Variants in ELMO1 observed in about 807,000 individuals in gnomAD.
ELMO1 encodes the protein engulfment and cell motility 1, also known as engulfment and cell motility protein 1.
ELMO1 carries 26 observed loss-of-function variants against 98.9 expected under a neutral mutation model. That is an observed-to-expected ratio of 0.26 (90% CI 0.19 to 0.36). The LOEUF (loss-of-function observed/expected upper bound fraction) is 0.36, where lower values mean the gene tolerates loss of function less well. Among genes scored for constraint, ELMO1 ranks in the 10% least tolerant of loss-of-function variants. The pLI, the probability that ELMO1 is intolerant of heterozygous loss-of-function variation, is 1.00. For synonymous variants in ELMO1, 346 were observed against 346.0 expected (o/e 1.00, Z 0.00); for missense variants, 627 against 935.2 (o/e 0.67, Z 4.30).
chr7:37,236,832 G>A (rs1562542258), intron 7 of ELMO1, among the ~76,000 whole-genome samples: 1 of 152,124 alleles, frequency 6.6e-6, no homozygotes, highest in Non-Finnish European at 1.5e-5. Flanking sequence ...CTTGACATAG[G>A]TGTTTATTTC....
chr7:37,223,577 T>G (rs1793712977), intron 9 of ELMO1, among the ~76,000 whole-genome samples: 1 of 152,212 alleles, frequency 6.6e-6, no homozygotes, highest in African/African-American at 2.4e-5. Context: ...TAATAAACTC[T>G]CCACTTTGGT....
At chr7:37,320,471 G>A (rs2392480) in intron 2 of ELMO1, among the ~76,000 whole-genome samples, 90,580 of 151,934 alleles carry the variant, frequency 0.6, 28,363 homozygotes, top group East Asian at 0.86. Flanking sequence ...TTGTTGAAAT[G>A]GCCCTCTCCT....
chr7:36,855,903 T>C lies in ELMO1; in HGVS notation c.1984-152A>G, dbSNP rs905565149. The C allele has an allele frequency of 1.3e-5, 11 of 839,354 alleles. No individual in the cohort carries two copies. The highest frequency in any genetic ancestry group is 1.9e-5 in the Non-Finnish European group (10 of 537,560). The allele number at this position is 839,354 out of a possible 1,614,324, so 52.0% of individuals were successfully genotyped here. Reference sequence around the variant, plus strand: ...CATTTCATATTTGGCGACATCTCAATATAAAGTCGATACTTCTGTTATCTC... The same window carrying C: ...CATTTCATATTTGGCGACATCTCAACATAAAGTCGATACTTCTGTTATCTC... On this transcript the variant is annotated intron_variant, in intron 21 of 21. Transcript: ENST00000310758. The surrounding 1 kb of genome is among the most constrained non-coding windows in gnomAD (Gnocchi z 4.2).
At chr7:37,159,529 C>T (rs1171440207) in intron 13 of ELMO1, among the ~76,000 whole-genome samples, 4 of 152,002 alleles carry the variant, frequency 2.6e-5, no homozygotes, top group East Asian at 1.9e-4. Flanking sequence ...GGCAAAACTC[C>T]GTCTCTACTA....
chr7:36,856,457 T>C (rs1279455051), intron 21 of ELMO1, among the ~76,000 whole-genome samples: 2 of 152,214 alleles, frequency 1.3e-5, no homozygotes, highest in Non-Finnish European at 2.9e-5. Context: ...TAAGGTTTCT[T>C]TTCACCAGGT....
chr7:37,254,030 G>GA (rs1333337102), intron 6 of ELMO1, among the ~76,000 whole-genome samples: 1 of 152,084 alleles, frequency 6.6e-6, no homozygotes, highest in Non-Finnish European at 1.5e-5. Flanking sequence ...ATTTCTTATA[G>GA]AAAAATGGCT....
chr7:37,215,894 G>A (rs752175897), intron 11 of ELMO1, among the ~76,000 whole-genome samples: 4 of 152,064 alleles, frequency 2.6e-5, no homozygotes, highest in Non-Finnish European at 4.4e-5. Context: ...AATAAAACCT[G>A]CATTTGAGGA....
rs562338052 is a variant in ELMO1, at chr7:36,987,157, C to T, written c.1437+26142G>A. ...TGCATTAGCACCTCATCAAGGCGCC[C>T]TGAACACTAGGGATCTCCCTGGATT... On this transcript the variant is annotated intron_variant, in intron 16 of 21. Coordinates refer to ENST00000310758, the MANE Select transcript of ELMO1 (RefSeq NM_014800.11). 4.3e-3 allele frequency among the ~76,000 whole-genome samples: 649 copies of T among 152,260 alleles called. 10 individuals carry two copies. Among genetic ancestry groups the T allele is most frequent in the African/African-American group, 0.015 (619 of 41,536 alleles).
chr7:37,129,738 C>G (rs145810070), intron 14 of ELMO1, among the ~76,000 whole-genome samples: 71 of 152,328 alleles, frequency 4.7e-4, no homozygotes, highest in East Asian at 4.6e-3. Flanking sequence ...GTCTTGATTT[C>G]TCACATTGGT....
At chr7:37,325,087 C>A (rs7786388) in intron 2 of ELMO1, among the ~76,000 whole-genome samples, 9,236 of 152,254 alleles carry the variant, frequency 0.061, 379 homozygotes, top group Middle Eastern at 0.092. Context: ...ACTTACATCC[C>A]TTGGACACTT....
At chr7:37,147,834 A>G (rs938650762) in intron 13 of ELMO1, among the ~76,000 whole-genome samples, 3 of 113,682 alleles carry the variant, frequency 2.6e-5, no homozygotes, top group African/African-American at 6.5e-5. Flanking sequence ...AAAAGTTGGA[A>G]AAAAAAAAAA....
chr7:37,221,443 G>A (rs1270282922), intron 10 of ELMO1, among the ~76,000 whole-genome samples: 1 of 152,158 alleles, frequency 6.6e-6, no homozygotes, highest in African/African-American at 2.4e-5. Flanking sequence ...GTGAGTGAAA[G>A]AGCTCATATT....
rs994929587 is a variant in ELMO1 at position 37,013,524 on chromosome 7, C to T, written c.1301-89G>A. 5.5e-6 allele frequency: 8 copies of T among 1,450,912 alleles called. No individual in the cohort carries two copies. The African/African-American group carries it at 1.1e-4, about 21-fold the overall frequency. 89.9% of individuals were successfully genotyped at this position (1,450,912 alleles called of 1,614,324 possible). On this transcript the variant is annotated intron_variant, in intron 15 of 21. Coordinates refer to ENST00000310758, the MANE Select transcript of ELMO1 (RefSeq NM_014800.11). ...CACAGGTATGTGCCCCAAAGGGAGA[C>T]AAGCGGAGGTATCTTTGGTTCAGGC...
At chr7:37,316,493 GC>G (rs1799166103) in intron 2 of ELMO1, among the ~76,000 whole-genome samples, 1 of 152,182 alleles carries the variant, frequency 6.6e-6, no homozygotes. Flanking sequence ...CAATCATGCA[GC>G]AGCTTGAGCC....
intron 1 of ELMO1, among the ~76,000 whole-genome samples, chr7:37,400,205 G>A (rs1006892997): frequency 6.6e-6 from 1 of 152,148 alleles, no homozygotes; most frequent in African/African-American, 2.4e-5. Context: ...AGTTAGTACA[G>A]AGGCCCTTTG....
chr7:37,009,617 G>A (rs1793405815), intron 16 of ELMO1, among the ~76,000 whole-genome samples: 1 of 151,838 alleles, frequency 6.6e-6, no homozygotes, highest in African/African-American at 2.4e-5. Flanking sequence ...ATTTTAAATT[G>A]AGGGGCACTC....
intron 1 of ELMO1, among the ~76,000 whole-genome samples, chr7:37,349,273 G>A (rs1189947418): frequency 6.6e-6 from 1 of 152,198 alleles, no homozygotes; most frequent in Admixed American, 6.5e-5. Flanking sequence ...AGTGGAAAGG[G>A]AGCTGTTCAT....
intron 16 of ELMO1, among the ~76,000 whole-genome samples, chr7:36,920,441 T>C (rs1053669499): frequency 6.6e-6 from 1 of 152,204 alleles, no homozygotes; most frequent in African/African-American, 2.4e-5. Flanking sequence ...TAAAAACAAC[T>C]GCCACAATGT....
intron 17 of ELMO1, 90 bp from the exon 18 acceptor site, chr7:36,887,762 C>T: frequency 8.8e-7 from 1 of 1,130,092 alleles, no homozygotes; most frequent in Non-Finnish European, 1.3e-6. Flanking sequence ...CAGGGGAGAA[C>T]AAGTGCATCT....
Sources: allele counts gnomAD v4.1 joint callset (sites outside exome capture counted in the v4.1 genomes callset), GRCh38; gene constraint gnomAD v4.1.1; non-coding constraint Gnocchi (gnomAD v3.1); transcripts MANE v1.5; gene names NCBI Gene and HGNC (gene_info 2026-07-23, HGNC 2026-07-21).